KCNMA1: variants seen among roughly 807,000 people sequenced by gnomAD.
The protein encoded by KCNMA1 is potassium calcium-activated channel subfamily M alpha 1.
Under a neutral mutation model 140.0 loss-of-function variants are expected in KCNMA1, and 29 were observed. That is an observed-to-expected ratio of 0.21 (90% CI 0.15 to 0.28). The LOEUF is 0.28. KCNMA1 is among the 10% of genes least tolerant of loss of function. KCNMA1 has a pLI of 1.00. For missense variants in KCNMA1, 880 were observed against 1,602.2 expected (o/e 0.55, Z 7.70); for synonymous variants, 612 against 611.9 (o/e 1.00, Z 0.00).
chr10:77,240,277 T>C (rs567962526), intron 3 of KCNMA1, among the ~76,000 whole-genome samples: 41 of 152,350 alleles, frequency 2.7e-4, no homozygotes, highest in Admixed American at 2.0e-3. Context: ...GTTAGTGATA[T>C]GTAGCTCTGG....
intron 17 of KCNMA1, among the ~76,000 whole-genome samples, chr10:77,014,524 G>T (rs922559224): frequency 6.6e-6 from 1 of 151,366 alleles, no homozygotes; most frequent in Non-Finnish European, 1.5e-5. Context: ...TAGATTTCTT[G>T]AACTTATTCC....
chr10:76,909,326 C>T (rs1196143173), intron 25 of KCNMA1, among the ~76,000 whole-genome samples: 2 of 152,210 alleles, frequency 1.3e-5, no homozygotes, highest in African/African-American at 4.8e-5. Flanking sequence ...TTACTCAGAC[C>T]TCCTGCCGCC....
At chr10:77,429,640 C>G (rs556265981) in intron 1 of KCNMA1, among the ~76,000 whole-genome samples, 2 of 152,182 alleles carry the variant, frequency 1.3e-5, no homozygotes, top group Admixed American at 6.5e-5. Flanking sequence ...TATTAAAGGC[C>G]CTAAAAAGTT....
In KCNMA1 at chr10:76,887,479, G is replaced by C. The variant is rs370888223; in HGVS notation, c.3498C>G (p.Leu1166=). 1.2e-6 allele frequency: 2 copies of C among 1,614,138 alleles called. No individual in the cohort carries two copies. The highest frequency in any genetic ancestry group is 1.3e-5 in the African/African-American group (1 of 75,062). The change falls in exon 28 of 28, where the codon CTC becomes CTG. Residue 1166 remains leucine, a synonymous_variant. Coordinates refer to ENST00000286628, the MANE Select transcript of KCNMA1 (RefSeq NM_001161352.2). ...VITNPPYEFE[L]VPTDLIFCLM... is the part of the protein sequence containing the mutation. ...AGCAGAAGATCAGGTCCGTCGGCAC[G>C]AGCTCAAACTCATAGGGCGGGTTGG...
Position 77,384,124 on chromosome 10 carries a change from C to T in KCNMA1, c.540+19738G>A, listed in dbSNP as rs954430001. 5.3e-5 allele frequency among the ~76,000 whole-genome samples: 8 copies of T among 152,212 alleles called. No individual in the cohort carries two copies. The East Asian group carries it at 7.7e-4, about 15-fold the overall frequency. On this transcript the variant is annotated intron_variant, in intron 2 of 27. Coordinates refer to ENST00000286628, the MANE Select transcript of KCNMA1 (RefSeq NM_001161352.2). ...ACCCCCGCGGAGATCACTGGCATCA[C>T]GCTGATGGACAATACAAGATCTGAA... is the stretch of plus-strand genomic sequence containing the variant.
intron 23 of KCNMA1, among the ~76,000 whole-genome samples, chr10:76,933,000 G>A (rs2059653233): frequency 6.6e-6 from 1 of 152,130 alleles, no homozygotes; most frequent in South Asian, 2.1e-4. Flanking sequence ...CAAAGGTTGA[G>A]GGCCAGGAGC....
chr10:77,331,939 A>G (rs2086593425), intron 2 of KCNMA1, among the ~76,000 whole-genome samples: 1 of 152,150 alleles, frequency 6.6e-6, no homozygotes, highest in African/African-American at 2.4e-5. Context: ...CCAAGCTGCT[A>G]CTTCCTTTTT....
At chr10:77,058,345 C>T (rs1269288556) in intron 14 of KCNMA1, among the ~76,000 whole-genome samples, 2 of 152,020 alleles carry the variant, frequency 1.3e-5, no homozygotes, top group Admixed American at 1.3e-4. Flanking sequence ...TAGTAAGATG[C>T]AGAACTAGCA....
At chr10:77,550,699 C>T (rs551025127) in intron 1 of KCNMA1, among the ~76,000 whole-genome samples, 3 of 152,286 alleles carry the variant, frequency 2.0e-5, no homozygotes, top group African/African-American at 4.8e-5. Flanking sequence ...TGTACTCCCT[C>T]GAAGCACATC....
intron 3 of KCNMA1, among the ~76,000 whole-genome samples, chr10:77,211,491 CTA>C (rs1286722882): frequency 2.0e-5 from 3 of 152,254 alleles, no homozygotes; most frequent in Middle Eastern, 3.4e-3. Context: ...AGACCTCAAA[CTA>C]TAAAATCTTT....
chr10:77,012,355 A>G (rs2090997235), intron 17 of KCNMA1: 2 of 1,484,586 alleles, frequency 1.3e-6, no homozygotes, highest in Non-Finnish European at 1.8e-6. Context: ...ACAGCCTTTG[A>G]TGCTACTCGT....
chr10:76,934,596 C>T (rs1591187674), intron 23 of KCNMA1, among the ~76,000 whole-genome samples: 1 of 152,168 alleles, frequency 6.6e-6, no homozygotes, highest in South Asian at 2.1e-4. Flanking sequence ...TGCCTGTAGA[C>T]CCCATTACTT....
At chr10:77,570,341 T>C (rs898648436) in intron 1 of KCNMA1, among the ~76,000 whole-genome samples, 9 of 144,850 alleles carry the variant, frequency 6.2e-5, no homozygotes, top group Non-Finnish European at 9.1e-5. Context: ...CCAACCCAAA[T>C]GTCCAACAAT....
rs1319153523 is a variant in KCNMA1 at position 77,593,417 on chromosome 10, A to C, written c.378+43848T>G. On this transcript the variant is annotated intron_variant, in intron 1 of 27. Coordinates refer to ENST00000286628, the MANE Select transcript of KCNMA1 (RefSeq NM_001161352.2). ...CATAATCAGTAATGTATCAAATGAA[A>C]TTGTGCAAGGTAATTGCAGCTTTGA... Among the ~76,000 whole-genome samples the C allele has an allele frequency of 3.9e-5, 6 of 152,208 alleles. No individual in the cohort carries two copies. The East Asian group carries it at 1.2e-3, about 29-fold the overall frequency.
intron 19 of KCNMA1, among the ~76,000 whole-genome samples, chr10:76,981,776 G>T (rs2079545135): frequency 6.6e-6 from 1 of 152,166 alleles, no homozygotes; most frequent in Non-Finnish European, 1.5e-5. Context: ...CTCATGCCTT[G>T]CATTATTATA....
intron 1 of KCNMA1, among the ~76,000 whole-genome samples, chr10:77,576,210 A>G (rs1490615380): frequency 6.6e-6 from 1 of 152,198 alleles, no homozygotes; most frequent in African/African-American, 2.4e-5. Context: ...TGCCAAATCT[A>G]CATTCTTCCC....
At chr10:77,258,171 T>G (rs1247158397) in intron 2 of KCNMA1, among the ~76,000 whole-genome samples, 1 of 152,226 alleles carries the variant, frequency 6.6e-6, no homozygotes, top group Non-Finnish European at 1.5e-5. Flanking sequence ...CTAAAAACTT[T>G]TGGCTTGAAA....
intron 1 of KCNMA1, among the ~76,000 whole-genome samples, chr10:77,469,947 C>T (rs1199281997): frequency 1.3e-5 from 2 of 152,146 alleles, no homozygotes; most frequent in East Asian, 1.9e-4. Flanking sequence ...CTGGGCTACC[C>T]AGGGATACAG....
chr10:77,421,520 TC>T (rs2096866688), intron 1 of KCNMA1, among the ~76,000 whole-genome samples: 2 of 152,230 alleles, frequency 1.3e-5, no homozygotes, highest in South Asian at 4.1e-4. Context: ...ACTATTCAGC[TC>T]TGTTGCTGGG....
Sources: allele counts gnomAD v4.1 joint callset (sites outside exome capture counted in the v4.1 genomes callset), GRCh38; gene constraint gnomAD v4.1.1; transcripts MANE v1.5; gene names NCBI Gene and HGNC (gene_info 2026-07-23, HGNC 2026-07-21).